MYH10: variants seen among roughly 807,000 people sequenced by gnomAD.
MYH10 encodes the protein myosin-10.
In MYH10, 55 loss-of-function variants were observed where a neutral mutation model predicts 257.8. That is an observed-to-expected ratio of 0.21 (90% CI 0.17 to 0.27). The LOEUF is 0.27. Ranked by LOEUF, MYH10 falls within the 10% of genes least tolerant of loss-of-function variation. The pLI is 1.00. For synonymous variants in MYH10, 854 were observed against 921.7 expected (o/e 0.93, Z 1.33); for missense variants, 1,631 against 2,500.6 (o/e 0.65, Z 7.42).
chr17:8,520,945 G>GATC lies in MYH10; in HGVS notation c.2205_2206insGAT (p.Val735_Leu736insAsp), dbSNP rs2081634401. 1 of 1,613,834 alleles carries GATC rather than the reference G, an allele frequency of 6.2e-7. No individual in the cohort carries two copies. The stretch of plus-strand genomic sequence containing the variant: ...TGGCGACAGATTCGGATCCCTTCCA[G>GATC]GACACCGTTACAGCGAAGCTGATCT... On this transcript the variant is annotated inframe_insertion, in exon 19 of 43. Coordinates refer to ENST00000360416, the MANE Select transcript of MYH10 (RefSeq NM_001256012.3).
rs914168084 is a variant in MYH10 at position 8,535,029 on chromosome 17, A to G, written c.1894+358T>C. On this transcript the variant is annotated intron_variant, in intron 16 of 42. Transcript: ENST00000360416. This position sits in a 1 kb window ranked among gnomAD's most constrained non-coding sequence, Gnocchi z 4.3. ...GGACGGAGCTCAGCAGGCCTGACAC[A>G]GGGAAAATGGAATGAGCAGGCCTTC... Among the ~76,000 whole-genome samples, 1 of 152,148 alleles carries G rather than the reference A, an allele frequency of 6.6e-6. No individual in the cohort carries two copies. The highest frequency in any genetic ancestry group is 6.5e-5 in the Admixed American group (1 of 15,284).
At chr17:8,554,476 C>A (rs770240268) in intron 7 of MYH10, among the ~76,000 whole-genome samples, 11 of 149,174 alleles carry the variant, frequency 7.4e-5, no homozygotes, top group Non-Finnish European at 8.9e-5. Flanking sequence ...AATAGTGAAA[C>A]AGAATTATTT....
intron 3 of MYH10, among the ~76,000 whole-genome samples, chr17:8,596,750 C>A (rs1158111039): frequency 6.6e-6 from 1 of 151,792 alleles, no homozygotes; most frequent in African/African-American, 2.4e-5. Context: ...TTCAAGGTGG[C>A]TGCTTGCCAT....
intron 7 of MYH10, among the ~76,000 whole-genome samples, chr17:8,562,469 G>T (rs996059523): frequency 6.6e-6 from 1 of 152,166 alleles, no homozygotes; most frequent in African/African-American, 2.4e-5. Context: ...AGACTAAATT[G>T]GAAAATACGA....
intron 2 of MYH10, among the ~76,000 whole-genome samples, chr17:8,616,458 T>C (rs2085265733): frequency 2.0e-5 from 3 of 152,070 alleles, no homozygotes; most frequent in African/African-American, 4.8e-5. Context: ...ATACAGTATT[T>C]CTACATAATG....
At chr17:8,589,515 G>T (rs4791323) in intron 3 of MYH10, among the ~76,000 whole-genome samples, 147,662 of 152,176 alleles carry the variant, frequency 0.97, 71,807 homozygotes, top group Middle Eastern at 1. Context: ...TTAAATAAGC[G>T]CCCCAGGTGA....
chr17:8,550,523 G>C (rs1360767566), intron 9 of MYH10, among the ~76,000 whole-genome samples: 2 of 151,230 alleles, frequency 1.3e-5, no homozygotes, highest in South Asian at 4.2e-4. Context: ...AGGTGGGGGG[G>C]ACAGCCCCCC....
chr17:8,479,519 C>G (rs920573101), intron 40 of MYH10, among the ~76,000 whole-genome samples: 2 of 152,170 alleles, frequency 1.3e-5, no homozygotes, highest in Non-Finnish European at 2.9e-5. Context: ...AGTCCTGGCA[C>G]GAGAGGCTGG....
chr17:8,532,125 G>A (rs577849637), intron 16 of MYH10, among the ~76,000 whole-genome samples: 4 of 152,348 alleles, frequency 2.6e-5, no homozygotes, highest in African/African-American at 7.2e-5. Context: ...GCTGAAGAGC[G>A]ACAGCACCTC....
rs1340815388 is a variant in MYH10 at position 8,495,199 on chromosome 17, T to C, written c.3994A>G (p.Lys1332Glu). The change falls in exon 31 of 43, where the codon AAG (lysine) becomes GAG (glutamate). Residue 1332 changes from lysine (K) to glutamate (E), a missense_variant. Physicochemically the swap from Lys to Glu is moderately conservative, Grantham distance 56. Coordinates refer to ENST00000360416, the MANE Select transcript of MYH10 (RefSeq NM_001256012.3). The stretch of plus-strand genomic sequence containing the variant: ...TCCTTAGCAAATTTAATACCCTTCT[T>C]CTCTGCTTCTTCCAGAAGGGTGGAG... ...NVSTLLEEAE[K>E]KGIKFAKDAA... The C allele has an allele frequency of 4.3e-6, 7 of 1,613,460 alleles. No homozygotes were observed. Among genetic ancestry groups the C allele is most frequent in the Non-Finnish European group, 5.1e-6 (6 of 1,179,556 alleles).
Position 8,512,622 on chromosome 17 carries a change from T to C in MYH10, c.2781A>G (p.Leu927=). The change falls in exon 24 of 43, where the codon CTA becomes CTG. Residue 927 remains leucine, a synonymous_variant. Transcript: ENST00000360416. ...CAGCAAAGAGCTCAGTCTCTGCTTGTAGTTGTTCTGCAAGGATATTCTTCT... is the reference window on the plus strand; with the variant it reads ...CAGCAAAGAGCTCAGTCTCTGCTTGCAGTTGTTCTGCAAGGATATTCTTCT... ...LEEKNILAEQ[L]QAETELFAEA... 6.2e-7 allele frequency: 1 copy of C among 1,613,110 alleles called. No individual in the cohort carries two copies. The highest frequency in any genetic ancestry group is 8.5e-7 in the Non-Finnish European group (1 of 1,179,910).
chr17:8,558,355 T>C (rs73248095), intron 7 of MYH10, among the ~76,000 whole-genome samples: 2,656 of 152,106 alleles, frequency 0.017, 71 homozygotes, highest in African/African-American at 0.058. Flanking sequence ...TATGGGAACA[T>C]AGAGAAAGGA....
Position 8,499,562 on chromosome 17 carries a change from GCCTAA to G in MYH10, c.3745-91_3745-87del, listed in dbSNP as rs113244091. ...CTGCTTTTTGAGTCTGCAGAATTGT[GCCTAA>G]CACACAGTGAGTCTGTAGTCAACAT... is the stretch of plus-strand genomic sequence containing the variant. On this transcript the variant is annotated intron_variant, in intron 29 of 42. Transcript: ENST00000360416. The G allele has an allele frequency of 8.3e-3, 9,990 of 1,206,286 alleles. 486 individuals are homozygous for G. In the African/African-American group the frequency reaches 0.12, roughly 14 times the overall value. 74.7% of individuals were successfully genotyped at this position (1,206,286 alleles called of 1,614,324 possible).
chr17:8,517,024 C>T (rs1333229363), intron 21 of MYH10, among the ~76,000 whole-genome samples: 1 of 152,000 alleles, frequency 6.6e-6, no homozygotes, highest in Non-Finnish European at 1.5e-5. Flanking sequence ...GCCTGTAGTC[C>T]CAGCTACTCG....
intron 14 of MYH10, among the ~76,000 whole-genome samples, chr17:8,536,741 G>C (rs1274110874): frequency 3.3e-5 from 5 of 151,538 alleles, no homozygotes; most frequent in African/African-American, 1.2e-4. Flanking sequence ...AGAGGTTGCA[G>C]TGAGCCGAGA....
intron 9 of MYH10, among the ~76,000 whole-genome samples, chr17:8,551,411 A>G (rs985352544): frequency 4.6e-5 from 7 of 152,180 alleles, no homozygotes; most frequent in African/African-American, 1.4e-4. Flanking sequence ...CTTTTACTGT[A>G]TATGTGTCTA....
chr17:8,480,804 C>G (rs901613273), intron 38 of MYH10, among the ~76,000 whole-genome samples: 3 of 152,108 alleles, frequency 2.0e-5, no homozygotes, highest in Admixed American at 6.5e-5. Context: ...CAGCTGTTCT[C>G]CACAGACAAC....
At chr17:8,568,191 G>A (rs908055668) in intron 7 of MYH10, among the ~76,000 whole-genome samples, 4 of 152,140 alleles carry the variant, frequency 2.6e-5, no homozygotes, top group Non-Finnish European at 4.4e-5. Flanking sequence ...GCACGCAGCC[G>A]AACTTGGGTT....
chr17:8,569,637 A>G lies in MYH10; in HGVS notation c.756+83T>C. 1.1e-6 allele frequency: 1 copy of G among 948,696 alleles called. No individual in the cohort carries two copies. The highest frequency in any genetic ancestry group is 1.5e-6 in the Non-Finnish European group (1 of 647,360). The allele number at this position is 948,696 out of a possible 1,614,324, so 58.8% of individuals were successfully genotyped here. A position where few individuals can be genotyped will look rare whatever the true frequency, so the allele number is the denominator to read the frequency against. The stretch of plus-strand genomic sequence containing the variant: ...TATTAGCTTCTTAAAATCTAGGAAG[A>G]AAAGTAATTCATTTGCTTAATCACA... On this transcript the variant is annotated intron_variant, in intron 7 of 42. Coordinates refer to ENST00000360416, the MANE Select transcript of MYH10 (RefSeq NM_001256012.3). This position sits in a 1 kb window ranked among gnomAD's most constrained non-coding sequence, Gnocchi z 4.1.
Sources: gnomAD v4.1 joint callset for allele counts (sites outside exome capture counted in the v4.1 genomes callset) on GRCh38, gnomAD v4.1.1 for gene constraint, Gnocchi (gnomAD v3.1) non-coding constraint, MANE v1.5 for transcripts, NCBI Gene and HGNC (gene_info 2026-07-23, HGNC 2026-07-21) for gene names.